Variants in GMPPB observed in about 807,000 individuals in gnomAD.
GMPPB encodes the protein GDP-mannose pyrophosphorylase B.
GMPPB carries 38 observed loss-of-function variants against 40.3 expected under a neutral mutation model. The observed-to-expected ratio is 0.94, with a 90% confidence interval of 0.73 to 1.24. GMPPB has a LOEUF of 1.24. GMPPB is among the 50% of genes most tolerant of loss of function. The pLI is 0.00. For synonymous variants in GMPPB, 193 were observed against 191.8 expected (o/e 1.01, Z -0.05); for missense variants, 436 against 487.1 (o/e 0.90, Z 0.99).
At position 49,721,188 on chromosome 3, in the gene GMPPB, C is replaced by G. The variant is rs766197099; in HGVS notation, c.*564G>C. The G allele has an allele frequency of 2.5e-6, 4 of 1,614,108 alleles. No homozygotes were observed. The highest frequency in any genetic ancestry group is 3.4e-6 in the Non-Finnish European group (4 of 1,180,052). On this transcript the variant is annotated 3_prime_UTR_variant, in exon 9 of 9. Transcript: ENST00000308388. ...CTCATCCCCTCCCCTGTTGTAGAGC[C>G]TGTATCAACCAGCACCTGATGAACA...
Position 49,723,604 on chromosome 3 carries a change from T to C in GMPPB, c.123A>G (p.Leu41=). ...KPILLHQVEA[L]AAAGVDHVIL... is the part of the protein sequence containing the mutation. ...TCCCGACCCAGGGTCTTACCGCGGC[T>C]AGCGCCTCCACTTGGTGCAGCAAGA... Residue 41 remains leucine (L), a synonymous_variant, in exon 1 of 9, where the codon CTA becomes CTG. Transcript: ENST00000308388. 1.3e-6 allele frequency: 2 copies of C among 1,590,736 alleles called. No individual in the cohort carries two copies. The highest frequency in any genetic ancestry group is 1.7e-6 in the Non-Finnish European group (2 of 1,167,058).
rs763207565 is a variant in GMPPB, at chr3:49,720,876, G to A, written c.*876C>T. 25 of 1,614,044 alleles carry A rather than the reference G, an allele frequency of 1.5e-5. No homozygotes were observed. The highest frequency in any genetic ancestry group is 3.3e-4 in the Middle Eastern group (2 of 6,084). On this transcript the variant is annotated 3_prime_UTR_variant, in exon 9 of 9. Transcript: ENST00000308388. ...CGCACCTGACCTCTGCATCTGCCCA[G>A]GCAGCAGCTGCCTCCCTGGTGAGTG... is the stretch of plus-strand genomic sequence containing the variant.
In GMPPB at chr3:49,723,703, C is replaced by T. The variant is rs2080461352; in HGVS notation, c.24G>A (p.Gly8=). 1.3e-6 allele frequency: 2 copies of T among 1,593,356 alleles called. No homozygotes were observed. The highest frequency in any genetic ancestry group is 1.7e-6 in the Non-Finnish European group (2 of 1,171,728). Residue 8 remains glycine (G), a synonymous_variant, in exon 1 of 9, where the codon GGG becomes GGA. Coordinates refer to ENST00000308388, the MANE Select transcript of GMPPB (RefSeq NM_021971.4). MKALILV[G]GYGTRLRPLT... Reference sequence around the variant, plus strand: ...GCGGCCGTAGCCGCGTCCCATAGCCCCCCACTAAGATCAGTGCCTTCATCG... The same window carrying T: ...GCGGCCGTAGCCGCGTCCCATAGCCTCCCACTAAGATCAGTGCCTTCATCG...
rs1414545251 is a variant in GMPPB, at chr3:49,720,364, G to GACTT, written c.*1384_*1387dup. 37 of 732,696 alleles carry GACTT rather than the reference G, an allele frequency of 5.0e-5. No individual in the cohort carries two copies. In the East Asian group the frequency reaches 1.1e-3, roughly 21 times the overall value. 45.4% of individuals were successfully genotyped at this position (732,696 alleles called of 1,614,324 possible). On this transcript the variant is annotated 3_prime_UTR_variant, in exon 9 of 9. Transcript: ENST00000308388. ...TGTGTGGCACCTTACTAGAATACAG[G>GACTT]ACTTGGGGTTTGGGAAGCAGGGAGA... is the stretch of plus-strand genomic sequence containing the variant.
Position 49,720,653 on chromosome 3 carries a change from T to G in GMPPB, c.*1099A>C. The G allele has an allele frequency of 6.3e-7, 1 of 1,597,982 alleles. No homozygotes were observed. Among genetic ancestry groups the G allele is most frequent in the Non-Finnish European group, 8.6e-7 (1 of 1,168,614 alleles). ...CCGGAAGCGCTTCTCCCTGCAGAGC[T>G]GTGAGTGGGCTGGTGGGGCAGGTCA... On this transcript the variant is annotated 3_prime_UTR_variant, in exon 9 of 9. Coordinates refer to ENST00000308388, the MANE Select transcript of GMPPB (RefSeq NM_021971.4).
chr3:49,720,361 C>A lies in GMPPB; in HGVS notation c.*1391G>T. The A allele has an allele frequency of 1.5e-6, 1 of 653,578 alleles. No homozygotes were observed. Among genetic ancestry groups the A allele is most frequent in the Non-Finnish European group, 2.3e-6 (1 of 429,810 alleles). 40.5% of individuals were successfully genotyped at this position (653,578 alleles called of 1,614,324 possible). On this transcript the variant is annotated 3_prime_UTR_variant, in exon 9 of 9. Coordinates refer to ENST00000308388, the MANE Select transcript of GMPPB (RefSeq NM_021971.4). ...GGCTGTGTGGCACCTTACTAGAATA[C>A]AGGACTTGGGGTTTGGGAAGCAGGG...
chr3:49,721,653 C>T lies in GMPPB; in HGVS notation c.*99G>A. The T allele has an allele frequency of 2.5e-6, 3 of 1,194,342 alleles. No homozygotes were observed. The highest frequency in any genetic ancestry group is 3.6e-6 in the Non-Finnish European group (3 of 836,778). 74.0% of individuals were successfully genotyped at this position (1,194,342 alleles called of 1,614,324 possible). On this transcript the variant is annotated 3_prime_UTR_variant, in exon 9 of 9. Transcript: ENST00000308388. ...AGCTTCAGCTTCACCCAGTGCCCCC[C>T]AGACAAATAATGACAAGTCCAGGGT...
Position 49,720,430 on chromosome 3 carries a change from C to T in GMPPB, c.*1322G>A. 7.2e-7 allele frequency: 1 copy of T among 1,394,554 alleles called. No individual in the cohort carries two copies. The highest frequency in any genetic ancestry group is 2.4e-5 in the Admixed American group (1 of 41,510). 86.4% of individuals were successfully genotyped at this position (1,394,554 alleles called of 1,614,324 possible). On this transcript the variant is annotated 3_prime_UTR_variant, in exon 9 of 9. Transcript: ENST00000308388. ...GGGGGTGATCATGTACGAGCCATGG[C>T]ACTCCTCATTGGCAATCCCAAGAGA... is the stretch of plus-strand genomic sequence containing the variant.
rs769730706 is a variant in GMPPB, at chr3:49,723,595, T to C, written c.129+3A>G. On this transcript the variant is annotated splice_donor_region_variant and intron_variant, in intron 1 of 8. Coordinates refer to ENST00000308388, the MANE Select transcript of GMPPB (RefSeq NM_021971.4). ...CGACTCTGATCCCGACCCAGGGTCT[T>C]ACCGCGGCTAGCGCCTCCACTTGGT... 2.5e-6 allele frequency: 4 copies of C among 1,594,050 alleles called. No homozygotes were observed. The highest frequency in any genetic ancestry group is 2.2e-5 in the East Asian group (1 of 44,618).
rs769101185 is a variant in GMPPB, at chr3:49,720,790, C to G, written c.*962G>C. On this transcript the variant is annotated 3_prime_UTR_variant, in exon 9 of 9. Transcript: ENST00000308388. ...CTACCTCTGACTTGACACTACCTAC[C>G]ACTCCCCAGATGCGGATTATATCAG... 6 of 1,614,094 alleles carry G rather than the reference C, an allele frequency of 3.7e-6. No individual in the cohort carries two copies. The highest frequency in any genetic ancestry group is 3.4e-6 in the Non-Finnish European group (4 of 1,179,948).
Position 49,720,904 on chromosome 3 carries a change from AACACGGTGC to A in GMPPB, c.*839_*847del. On this transcript the variant is annotated 3_prime_UTR_variant, in exon 9 of 9. Coordinates refer to ENST00000308388, the MANE Select transcript of GMPPB (RefSeq NM_021971.4). Reference sequence around the variant, plus strand: ...AGCAGCTGCCTCCCTGGTGAGTGGGAACACGGTGCACAGGTCCATGCCACTTGAATATGT... The same window carrying A: ...AGCAGCTGCCTCCCTGGTGAGTGGGAACAGGTCCATGCCACTTGAATATGT... 2 of 1,613,916 alleles carry A rather than the reference AACACGGTGC, an allele frequency of 1.2e-6. No individual in the cohort carries two copies. The highest frequency in any genetic ancestry group is 1.7e-6 in the Non-Finnish European group (2 of 1,179,858).
rs375162605 is a variant in GMPPB at position 49,721,308 on chromosome 3, C to G, written c.*444G>C. On this transcript the variant is annotated 3_prime_UTR_variant, in exon 9 of 9. Coordinates refer to ENST00000308388, the MANE Select transcript of GMPPB (RefSeq NM_021971.4). ...GTACTACCTCCTCAGCTGCCTAGCC[C>G]TCACAGCCTGTGCCATCCTGGAACC... The G allele has an allele frequency of 7.6e-5, 123 of 1,614,076 alleles. No homozygotes were observed. The highest frequency in any genetic ancestry group is 1.0e-4 in the Non-Finnish European group (120 of 1,180,034).
chr3:49,722,149 T>TGAGA lies in GMPPB; in HGVS notation c.769-6_769-3dup. On this transcript the variant is annotated splice_region_variant and splice_polypyrimidine_tract_variant and intron_variant, in intron 7 of 8. Coordinates refer to ENST00000308388, the MANE Select transcript of GMPPB (RefSeq NM_021971.4). ...CTGGCCGATGCGGGCACTTGGGTCC[T>TGAGA]GAGAGCGGTGGGAAAAATACAAGTG... 1 of 1,608,654 alleles carries TGAGA rather than the reference T, an allele frequency of 6.2e-7. No individual in the cohort carries two copies. The highest frequency in any genetic ancestry group is 2.2e-5 in the East Asian group (1 of 44,794).
In GMPPB at chr3:49,720,778, G is replaced by C; in HGVS notation, c.*974C>G. 6.2e-7 allele frequency: 1 copy of C among 1,613,920 alleles called. No individual in the cohort carries two copies. The highest frequency in any genetic ancestry group is 1.1e-5 in the South Asian group (1 of 91,040). On this transcript the variant is annotated 3_prime_UTR_variant, in exon 9 of 9. Coordinates refer to ENST00000308388, the MANE Select transcript of GMPPB (RefSeq NM_021971.4). ...TCACATCCTCAGCTACCTCTGACTT[G>C]ACACTACCTACCACTCCCCAGATGC...
In GMPPB at chr3:49,723,690, G is replaced by A; in HGVS notation, c.37C>T (p.Arg13Trp). ...GTGCTCAGCGTCAGCGGCCGTAGCC[G>A]CGTCCCATAGCCCCCCACTAAGATC... Reference protein sequence around the residue: ...ALILVGGYGTRLRPLTLSTPK... With the variant: ...ALILVGGYGTWLRPLTLSTPK... Residue 13 changes from arginine (R) to tryptophan (W), a missense_variant, in exon 1 of 9, where the codon CGG (arginine) becomes TGG (tryptophan). Physicochemically the swap from Arg to Trp is moderately radical, Grantham distance 101. Transcript: ENST00000308388. The A allele has an allele frequency of 6.3e-7, 1 of 1,589,184 alleles. No individual in the cohort carries two copies. Among genetic ancestry groups the A allele is most frequent in the South Asian group, 1.1e-5 (1 of 87,660 alleles).
Position 49,720,962 on chromosome 3 carries a change from G to A in GMPPB, c.*790C>T, listed in dbSNP as rs2080392053. The A allele has an allele frequency of 2.1e-5, 34 of 1,607,382 alleles. No individual in the cohort carries two copies. The highest frequency in any genetic ancestry group is 1.6e-4 in the Middle Eastern group (1 of 6,066). On this transcript the variant is annotated 3_prime_UTR_variant, in exon 9 of 9. Coordinates refer to ENST00000308388, the MANE Select transcript of GMPPB (RefSeq NM_021971.4). ...GTGTGCACTCCTACACAGGCACAAC[G>A]GACATCCACATAGCCAGGCATCCAA... is the stretch of plus-strand genomic sequence containing the variant.
intron 4 of GMPPB, 80 bp from the exon 5 acceptor site, chr3:49,722,834 ACT>A: frequency 2.0e-6 from 3 of 1,529,590 alleles, no homozygotes; most frequent in Non-Finnish European, 2.7e-6. Flanking sequence ...ATCTCAAGAG[ACT>A]CTGCCCCAAG....
Position 49,723,771 on chromosome 3 carries a change from T to G in GMPPB, c.-45A>C. 1.3e-6 allele frequency: 2 copies of G among 1,528,356 alleles called. No individual in the cohort carries two copies. Among genetic ancestry groups the G allele is most frequent in the Non-Finnish European group, 1.7e-6 (2 of 1,149,750 alleles). 94.7% of individuals were successfully genotyped at this position (1,528,356 alleles called of 1,614,324 possible). ...GGGGTGTCCCGGGCTCTGAGGTGCCTGCAGCCCGCCTGGCCGGTCCCTGCC... is the reference window on the plus strand; with the variant it reads ...GGGGTGTCCCGGGCTCTGAGGTGCCGGCAGCCCGCCTGGCCGGTCCCTGCC... On this transcript the variant is annotated 5_prime_UTR_variant, in exon 1 of 9. Transcript: ENST00000308388.
Position 49,720,202 on chromosome 3 carries a change from G to C in GMPPB, c.*1550C>G, listed in dbSNP as rs546058633. On this transcript the variant is annotated 3_prime_UTR_variant, in exon 9 of 9. Transcript: ENST00000308388. The stretch of plus-strand genomic sequence containing the variant: ...GTGGTGGTGGGCGTCTGCAATTCCA[G>C]CTACTCGGGAGGCTAAAGCAGGAGA... The C allele has an allele frequency of 4.5e-4, 90 of 200,330 alleles. No homozygotes were observed. The highest frequency in any genetic ancestry group is 6.9e-4 in the Admixed American group (12 of 17,302). 12.4% of individuals were successfully genotyped at this position (200,330 alleles called of 1,614,324 possible).
Sources: allele counts gnomAD v4.1 joint callset, GRCh38; gene constraint gnomAD v4.1.1; transcripts MANE v1.5; gene names NCBI Gene and HGNC (gene_info 2026-07-23, HGNC 2026-07-21).